Variants in LSAMP observed in about 807,000 individuals in gnomAD.
The protein encoded by LSAMP is limbic system-associated membrane protein.
In LSAMP, 7 loss-of-function variants were observed where a neutral mutation model predicts 38.6. The ratio of observed to expected loss-of-function variants is 0.18; its 90% CI spans 0.10 to 0.34. The LOEUF is 0.34. Among genes scored for constraint, LSAMP ranks in the 10% least tolerant of loss-of-function variants. The pLI is 1.00. For missense variants in LSAMP, 313 were observed against 420.0 expected (o/e 0.75, Z 2.23); for synonymous variants, 154 against 166.8 (o/e 0.92, Z 0.59).
At chr3:116,043,941 G>T (rs567033844) in intron 2 of LSAMP, among the ~76,000 whole-genome samples, 1 of 152,158 alleles carries the variant, frequency 6.6e-6, no homozygotes, top group Non-Finnish European at 1.5e-5. Flanking sequence ...GCGAGACTCC[G>T]TCTCAAAAAT....
chr3:115,933,074 C>A (rs1319563857), intron 3 of LSAMP, among the ~76,000 whole-genome samples: 1 of 152,116 alleles, frequency 6.6e-6, no homozygotes, highest in African/African-American at 2.4e-5. Flanking sequence ...AGCTAGCAGT[C>A]AAGGAAGGTC....
intron 3 of LSAMP, among the ~76,000 whole-genome samples, chr3:115,991,621 C>T (rs72957787): frequency 0.25 from 38,592 of 151,832 alleles, 5,617 homozygotes; most frequent in African/African-American, 0.41. Context: ...TCATAGTAAT[C>T]GAGGGGCTAG....
chr3:115,994,463 A>T (rs1311714920), intron 3 of LSAMP, among the ~76,000 whole-genome samples: 1 of 152,134 alleles, frequency 6.6e-6, no homozygotes, highest in Admixed American at 6.6e-5. Flanking sequence ...AATTATAAAA[A>T]GTCATGATCT....
intron 1 of LSAMP, among the ~76,000 whole-genome samples, chr3:116,099,587 C>T (rs1277191299): frequency 6.6e-6 from 1 of 152,160 alleles, no homozygotes; most frequent in Non-Finnish European, 1.5e-5. Context: ...GATAAGTCAC[C>T]TCTGTCTGGC....
intron 1 of LSAMP, among the ~76,000 whole-genome samples, chr3:116,289,305 CA>C (rs1443754422): frequency 6.6e-6 from 1 of 152,182 alleles, no homozygotes; most frequent in Non-Finnish European, 1.5e-5. Context: ...TAGATATTCA[CA>C]ATGTACCATA....
chr3:116,158,739 A>G (rs1187802200), intron 1 of LSAMP, among the ~76,000 whole-genome samples: 1 of 152,184 alleles, frequency 6.6e-6, no homozygotes, highest in African/African-American at 2.4e-5. Context: ...GCTTATCAAG[A>G]GGAAGAATCA....
At chr3:115,945,233 A>G (rs1022980775) in intron 3 of LSAMP, among the ~76,000 whole-genome samples, 2 of 152,144 alleles carry the variant, frequency 1.3e-5, no homozygotes, top group Non-Finnish European at 2.9e-5. Flanking sequence ...TGGCTTACAT[A>G]CATTCCCAAA....
intron 3 of LSAMP, among the ~76,000 whole-genome samples, chr3:115,979,389 TACCAATTTGAAGAG>T (rs1559906217): frequency 6.6e-6 from 1 of 152,152 alleles, no homozygotes; most frequent in Non-Finnish European, 1.5e-5. Context: ...TTGTGAGATT[TACCAATTTGAAGAG>T]AATGCAAAAC....
intron 1 of LSAMP, among the ~76,000 whole-genome samples, chr3:116,345,003 G>A (rs922322112): frequency 1.1e-4 from 17 of 152,178 alleles, no homozygotes; most frequent in African/African-American, 3.9e-4. Context: ...ATGTATGTGT[G>A]TGTACCTGTT....
rs1398199965 is a variant in LSAMP at position 115,900,494 on chromosome 3, C to A, written c.515-47877G>T. 1.0e-4 allele frequency among the ~76,000 whole-genome samples: 11 copies of A among 105,906 alleles called. 1 individual carries two copies. The highest frequency in any genetic ancestry group is 6.1e-4 in the South Asian group (2 of 3,296). 69.5% of individuals were successfully genotyped at this position (105,906 alleles called of 152,430 possible). A position where few individuals can be genotyped will look rare whatever the true frequency, so the allele number is the denominator to read the frequency against. Reference sequence around the variant, plus strand: ...TAGCACCACTGCACTCCAACCTGGGCAATAGAGTGAGACTGTCCAAAAAAA... The same window carrying A: ...TAGCACCACTGCACTCCAACCTGGGAAATAGAGTGAGACTGTCCAAAAAAA... On this transcript the variant is annotated intron_variant, in intron 3 of 6. Coordinates refer to ENST00000490035, the MANE Select transcript of LSAMP (RefSeq NM_002338.5).
At chr3:116,420,366 G>A (rs2049106006) in intron 1 of LSAMP, among the ~76,000 whole-genome samples, 1 of 151,858 alleles carries the variant, frequency 6.6e-6, no homozygotes, top group African/African-American at 2.4e-5. Flanking sequence ...CCAAAGTGCT[G>A]GGATTACAGG....
chr3:116,067,108 T>G (rs1341234160), intron 2 of LSAMP, among the ~76,000 whole-genome samples: 2 of 152,192 alleles, frequency 1.3e-5, no homozygotes, highest in Non-Finnish European at 2.9e-5. Flanking sequence ...CCCTTCAATG[T>G]GCAAATCCCA....
Position 116,374,790 on chromosome 3 carries a change from A to T in LSAMP, c.155+70087T>A, listed in dbSNP as rs545789745. 1.7e-4 allele frequency among the ~76,000 whole-genome samples: 26 copies of T among 152,034 alleles called. No homozygotes were observed. In the East Asian group the frequency reaches 4.6e-3, roughly 27 times the overall value. The stretch of plus-strand genomic sequence containing the variant: ...CATCCTACACATTTCTCTACAGGCT[A>T]TGCAACTGACCCTAGACTCAAGAAC... On this transcript the variant is annotated intron_variant, in intron 1 of 6. Coordinates refer to ENST00000490035, the MANE Select transcript of LSAMP (RefSeq NM_002338.5).
At chr3:115,918,263 G>C (rs1302896499) in intron 3 of LSAMP, among the ~76,000 whole-genome samples, 1 of 152,158 alleles carries the variant, frequency 6.6e-6, no homozygotes, top group Admixed American at 6.5e-5. Flanking sequence ...ATGATGCAAA[G>C]GTTATGGATT....
At chr3:116,305,481 T>G (rs148203556) in intron 1 of LSAMP, among the ~76,000 whole-genome samples, 1 of 152,172 alleles carries the variant, frequency 6.6e-6, no homozygotes, top group African/African-American at 2.4e-5. Flanking sequence ...AGTCTCATTT[T>G]CCATTTCTAC....
At chr3:116,327,402 C>A (rs769346131) in intron 1 of LSAMP, among the ~76,000 whole-genome samples, 1 of 152,008 alleles carries the variant, frequency 6.6e-6, no homozygotes, top group Non-Finnish European at 1.5e-5. Flanking sequence ...ACGGAATATT[C>A]TTCTTACTTT....
rs2049494892 is a variant in LSAMP, at chr3:116,445,171, TG to T, written c.-141del. 1 of 762,836 alleles carries T rather than the reference TG, an allele frequency of 1.3e-6. No homozygotes were observed. The highest frequency in any genetic ancestry group is 1.8e-5 in the African/African-American group (1 of 57,004). The allele number at this position is 762,836 out of a possible 1,614,324, so 47.3% of individuals were successfully genotyped here. A position where few individuals can be genotyped will look rare whatever the true frequency, so the allele number is the denominator to read the frequency against. On this transcript the variant is annotated 5_prime_UTR_variant, in exon 1 of 7. Coordinates refer to ENST00000490035, the MANE Select transcript of LSAMP (RefSeq NM_002338.5). Reference sequence around the variant, plus strand: ...TGCCAGTTTATGGTCCTTTCCACTTTGCCTCTCTCTTTCCCTCGCTCAGTCT... The same window carrying T: ...TGCCAGTTTATGGTCCTTTCCACTTTCCTCTCTCTTTCCCTCGCTCAGTCT...
chr3:116,214,031 C>G (rs189702013), intron 1 of LSAMP, among the ~76,000 whole-genome samples: 13 of 152,224 alleles, frequency 8.5e-5, no homozygotes, highest in African/African-American at 2.9e-4. Flanking sequence ...ACCTAAAAAT[C>G]TATTGAAAGA....
At chr3:116,188,779 G>A (rs577080318) in intron 1 of LSAMP, among the ~76,000 whole-genome samples, 1 of 152,284 alleles carries the variant, frequency 6.6e-6, no homozygotes, top group African/African-American at 2.4e-5. Context: ...AAGAAATGAT[G>A]TCTTTCTCTA....
Sources: allele counts gnomAD v4.1 joint callset (sites outside exome capture counted in the v4.1 genomes callset), GRCh38; gene constraint gnomAD v4.1.1; transcripts MANE v1.5; gene names NCBI Gene and HGNC (gene_info 2026-07-23, HGNC 2026-07-21).